The following C1QTNF3 variants were observed in gnomAD, a reference collection of about 807,000 sequenced individuals.
C1QTNF3 encodes the protein complement C1q tumor necrosis factor-related protein 3.
C1QTNF3 carries 26 observed loss-of-function variants against 32.6 expected under a neutral mutation model. The ratio of observed to expected loss-of-function variants is 0.80; its 90% confidence interval spans 0.58 to 1.11. The LOEUF is 1.11. Ranked by LOEUF, C1QTNF3 falls within the 50% of genes least tolerant of loss-of-function variation. C1QTNF3 has a pLI of 0.00. For synonymous variants in C1QTNF3, 155 were observed against 146.0 expected (o/e 1.06, Z -0.44); for missense variants, 362 against 398.2 (o/e 0.91, Z 0.77).
the C1QTNF3 span, among the ~76,000 whole-genome samples, chr5:34,134,865 C>T: frequency 3.9e-5 from 6 of 152,274 alleles, no homozygotes; most frequent in South Asian, 1.2e-3. Flanking sequence ...ATGTCATCTG[C>T]AAACAGGGAC....
the C1QTNF3 span, chr5:34,218,184 T>A: frequency 6.6e-6 from 1 of 152,568 alleles, no homozygotes; most frequent in African/African-American, 2.4e-5. Context: ...TTTATTGTTT[T>A]ATAGTTTGAT....
chr5:34,103,823 T>TA, the C1QTNF3 span, among the ~76,000 whole-genome samples: 53 of 145,016 alleles, frequency 3.7e-4, no homozygotes, highest in South Asian at 6.6e-4. Flanking sequence ...ATTCTGTCTC[T>TA]AAAAAAAAAA....
At chr5:34,126,811 C>A in the C1QTNF3 span, among the ~76,000 whole-genome samples, 1 of 152,104 alleles carries the variant, frequency 6.6e-6, no homozygotes, top group African/African-American at 2.4e-5. Flanking sequence ...ACCTGGAAGA[C>A]CAATATGCTT....
rs757338339 is a variant in C1QTNF3 at position 34,042,967 on chromosome 5, C to A, written c.159G>T (p.Arg53Ser). The change falls in exon 1 of 6, where the codon AGG (arginine) becomes AGT (serine). Residue 53 changes from arginine to serine, a missense_variant. Transcript: ENST00000382065. ...SHQQTGRSGSRREKVRERSHP... is the reference protein window; with the variant it reads ...SHQQTGRSGSSREKVRERSHP... ...GGCTCCGCTCTCTCACTTTCTCCCT[C>A]CTGGAGCCGCTACGGCCAGTCTGCT... The A allele has an allele frequency of 1.9e-6, 3 of 1,614,196 alleles. No individual in the cohort carries two copies. Among genetic ancestry groups the A allele is most frequent in the South Asian group, 1.1e-5 (1 of 91,078 alleles).
the C1QTNF3 span, among the ~76,000 whole-genome samples, chr5:34,070,855 G>A: frequency 2.6e-5 from 4 of 152,086 alleles, no homozygotes; most frequent in African/African-American, 9.6e-5. Flanking sequence ...GCTAAAATGC[G>A]GTATTCATTC....
the C1QTNF3 span, among the ~76,000 whole-genome samples, chr5:34,212,993 A>G: frequency 6.7e-6 from 1 of 149,830 alleles, no homozygotes; most frequent in Non-Finnish European, 1.5e-5. Context: ...TACCCCATTC[A>G]TTAGACTTTT....
intron 3 of C1QTNF3, among the ~76,000 whole-genome samples, chr5:34,032,750 C>T (rs746522060): frequency 9.2e-5 from 14 of 152,072 alleles, no homozygotes; most frequent in Admixed American, 2.0e-4. Context: ...GAGCCAAGAT[C>T]GTGCCACTGT....
the C1QTNF3 span, among the ~76,000 whole-genome samples, chr5:34,153,786 G>A: frequency 9.4e-6 from 1 of 106,302 alleles, no homozygotes; most frequent in Non-Finnish European, 1.9e-5. Flanking sequence ...CAGCGCACCA[G>A]CATGGCACAT....
chr5:34,045,386 G>A (rs530693163), upstream of C1QTNF3, among the ~76,000 whole-genome samples: 16 of 152,322 alleles, frequency 1.1e-4, no homozygotes, highest in South Asian at 3.3e-3. Flanking sequence ...TGGGGCCTGG[G>A]CAGTTTTTAA....
chr5:34,155,328 C>A, the C1QTNF3 span, among the ~76,000 whole-genome samples: 1 of 152,194 alleles, frequency 6.6e-6, no homozygotes, highest in Admixed American at 6.5e-5. Context: ...ACAGACATTA[C>A]AATACTTCTT....
chr5:34,099,320 G>A, the C1QTNF3 span, among the ~76,000 whole-genome samples: 2 of 152,084 alleles, frequency 1.3e-5, no homozygotes, highest in Non-Finnish European at 2.9e-5. Context: ...CTTAGTTAAT[G>A]TGAAATATAT....
chr5:34,069,423 G>C, the C1QTNF3 span, among the ~76,000 whole-genome samples: 3 of 151,958 alleles, frequency 2.0e-5, no homozygotes, highest in African/African-American at 7.3e-5. Context: ...TCTACTTTTT[G>C]TGCTATACTA....
At chr5:34,232,726 G>C in the C1QTNF3 span, among the ~76,000 whole-genome samples, 2 of 151,826 alleles carry the variant, frequency 1.3e-5, no homozygotes, top group Non-Finnish European at 2.9e-5. Context: ...GAAGAACTAT[G>C]AATCAATTAA....
At chr5:34,169,440 T>C in the C1QTNF3 span, among the ~76,000 whole-genome samples, 1 of 152,228 alleles carries the variant, frequency 6.6e-6, no homozygotes, top group Middle Eastern at 3.4e-3. Flanking sequence ...TCAAATCCTT[T>C]GCCCATTTTT....
intron 1 of C1QTNF3, 47 bp downstream of exon 1, chr5:34,042,776 C>G: frequency 6.5e-7 from 1 of 1,528,294 alleles, no homozygotes; most frequent in Non-Finnish European, 8.9e-7. Context: ...ACAACAACAA[C>G]ACTCATTAAG....
At chr5:34,156,871 T>C in the C1QTNF3 span, among the ~76,000 whole-genome samples, 2 of 152,336 alleles carry the variant, frequency 1.3e-5, no homozygotes, top group South Asian at 2.1e-4. Flanking sequence ...ATGTCTGGCC[T>C]AGGAAACTCA....
chr5:34,101,056 T>C, the C1QTNF3 span, among the ~76,000 whole-genome samples: 1 of 151,286 alleles, frequency 6.6e-6, no homozygotes, highest in African/African-American at 2.4e-5. Flanking sequence ...ATAAATATTA[T>C]ATTTTCCCAG....
At chr5:34,035,622 G>T in intron 2 of C1QTNF3, 25 bp downstream of exon 2, 2 of 1,506,010 alleles carry the variant, frequency 1.3e-6, no homozygotes, top group South Asian at 1.1e-5. Flanking sequence ...CAATTAGATT[G>T]ACAGTATGTC....
the C1QTNF3 span, among the ~76,000 whole-genome samples, chr5:34,139,586 T>C: frequency 2.0e-5 from 3 of 151,908 alleles, no homozygotes; most frequent in African/African-American, 7.3e-5. Context: ...ATAAAATGTT[T>C]GGATTACTAG....
Sources: gnomAD v4.1 joint callset for allele counts (sites outside exome capture counted in the v4.1 genomes callset) on GRCh38, gnomAD v4.1.1 for gene constraint, MANE v1.5 for transcripts, NCBI Gene and HGNC (gene_info 2026-07-23, HGNC 2026-07-21) for gene names.